MEP1B: variants seen among roughly 807,000 people sequenced by gnomAD.
MEP1B encodes the protein meprin A subunit beta.
MEP1B carries 80 observed loss-of-function variants against 84.6 expected under a neutral mutation model. The observed-to-expected ratio is 0.95, with a 90% CI of 0.79 to 1.14. The LOEUF is 1.14. Ranked by LOEUF, MEP1B falls within the 50% of genes most tolerant of loss-of-function variation. MEP1B has a pLI of 0.00. For missense variants in MEP1B, 766 were observed against 855.1 expected, an observed-to-expected ratio of 0.90 and a Z score of 1.30; for synonymous variants, 273 against 288.1, an observed-to-expected ratio of 0.95 and a Z score of 0.53.
chr18:32,215,818 C>T (rs962833675), intron 12 of MEP1B, among the ~76,000 whole-genome samples: 3 of 151,602 alleles, frequency 2.0e-5, no homozygotes, highest in South Asian at 2.1e-4. Flanking sequence ...AGCGAGACTC[C>T]GTCTCAAAAA....
At chr18:32,201,178 A>G (rs1444321612) in intron 5 of MEP1B, among the ~76,000 whole-genome samples, 3 of 152,158 alleles carry the variant, frequency 2.0e-5, no homozygotes, top group Admixed American at 2.0e-4. Context: ...TCTGTTTAAA[A>G]CAGTGATATG....
chr18:32,215,262 G>T lies in MEP1B; in HGVS notation c.1759+1G>T. The T allele has an allele frequency of 6.5e-7, 1 of 1,546,398 alleles. No individual in the cohort carries two copies. The highest frequency in any genetic ancestry group is 1.4e-5 in the African/African-American group (1 of 71,730). On this transcript the variant is annotated splice_donor_variant, in intron 12 of 14. Coordinates refer to ENST00000269202, the MANE Select transcript of MEP1B (RefSeq NM_005925.3). LOFTEE classifies it high-confidence loss of function. ...GTTTATATCCTACTGACAGTGGAAGGTATGTCAATAAAAATAGTTTTATAT... is the reference window on the plus strand; with the variant it reads ...GTTTATATCCTACTGACAGTGGAAGTTATGTCAATAAAAATAGTTTTATAT...
At chr18:32,190,205 G>GTT in intron 1 of MEP1B, 72 bp downstream of exon 1, 79 of 844,942 alleles carry the variant, frequency 9.3e-5, no homozygotes, top group South Asian at 2.0e-4. Flanking sequence ...AAGAACAAGT[G>GTT]TTTTTTTTTT....
intron 6 of MEP1B, among the ~76,000 whole-genome samples, chr18:32,203,749 T>C (rs2040935679): frequency 6.6e-6 from 1 of 152,118 alleles, no homozygotes; most frequent in South Asian, 2.1e-4. Context: ...TCTGCTCAGC[T>C]TTTGGGGAGG....
intron 9 of MEP1B, 124 bp downstream of exon 9, chr18:32,208,395 C>A: frequency 3.9e-6 from 4 of 1,036,646 alleles, no homozygotes; most frequent in Non-Finnish European, 5.4e-6. Context: ...CATTAGGTTA[C>A]TACTGAGAAG....
At position 32,192,803 on chromosome 18, in the gene MEP1B, A is replaced by G; in HGVS notation, c.157A>G (p.Ile53Val). 3 of 1,612,642 alleles carry G rather than the reference A, an allele frequency of 1.9e-6. No homozygotes were observed. The highest frequency in any genetic ancestry group is 2.5e-6 in the Non-Finnish European group (3 of 1,179,170). Residue 53 changes from isoleucine (I) to valine (V), a missense_variant, in exon 4 of 15, where the codon ATC becomes GTC. Coordinates refer to ENST00000269202, the MANE Select transcript of MEP1B (RefSeq NM_005925.3). ...GLGLDLFEGDIRLDRAQIRNS... is the reference protein window; with the variant it reads ...GLGLDLFEGDVRLDRAQIRNS... Reference sequence around the variant, plus strand: ...GGGACTGGATCTTTTTGAGGGTGACATCAGACTTGATAGGGTGAGTTGAAA... The same window carrying G: ...GGGACTGGATCTTTTTGAGGGTGACGTCAGACTTGATAGGGTGAGTTGAAA...
In MEP1B at chr18:32,203,803, G is replaced by C. The variant is rs564175624; in HGVS notation, c.369-379G>C. Among the ~76,000 whole-genome samples, 11 of 152,244 alleles carry C rather than the reference G, an allele frequency of 7.2e-5. 1 individual carries two copies. In the South Asian group the frequency reaches 2.3e-3, roughly 32 times the overall value. On this transcript the variant is annotated intron_variant, in intron 6 of 14. Coordinates refer to ENST00000269202, the MANE Select transcript of MEP1B (RefSeq NM_005925.3). ...CATAGTGGAAGGTGAGGGTGGAGCAGGCATGTCGCATGGCAAAAGCAGGAG... is the reference window on the plus strand; with the variant it reads ...CATAGTGGAAGGTGAGGGTGGAGCACGCATGTCGCATGGCAAAAGCAGGAG...
Position 32,198,658 on chromosome 18 carries a change from G to C in MEP1B, c.250+3173G>C, listed in dbSNP as rs552174592. Reference sequence around the variant, plus strand: ...GAGTGGGGAGCTAGGAAGTTGAGCAGGTAGGCGGAACGCAAATGGGGAAGG... The same window carrying C: ...GAGTGGGGAGCTAGGAAGTTGAGCACGTAGGCGGAACGCAAATGGGGAAGG... On this transcript the variant is annotated intron_variant, in intron 5 of 14. Transcript: ENST00000269202. Among the ~76,000 whole-genome samples, 27 of 152,272 alleles carry C rather than the reference G, an allele frequency of 1.8e-4. No individual in the cohort carries two copies. The East Asian group carries it at 3.5e-3, about 20-fold the overall frequency.
intron 10 of MEP1B, 118 bp downstream of exon 10, chr18:32,210,834 A>G (rs906583636): frequency 1.3e-6 from 1 of 770,730 alleles, no homozygotes; most frequent in Non-Finnish European, 2.1e-6. Context: ...TACTTCAACT[A>G]AGAACTAGAT....
At chr18:32,202,784 A>G in intron 5 of MEP1B, 109 bp from the exon 6 acceptor site, 1 of 651,152 alleles carries the variant, frequency 1.5e-6, no homozygotes, top group Non-Finnish European at 2.7e-6. Flanking sequence ...AACATTCATG[A>G]AGGGACTAAC....
At chr18:32,202,067 CA>C (rs1167839784) in intron 5 of MEP1B, among the ~76,000 whole-genome samples, 15 of 152,272 alleles carry the variant, frequency 9.9e-5, no homozygotes, top group Admixed American at 9.8e-4. Context: ...ATTGAATTGG[CA>C]AAAGTTTTAT....
At chr18:32,210,078 T>C (rs1187700142) in intron 9 of MEP1B, among the ~76,000 whole-genome samples, 1 of 152,222 alleles carries the variant, frequency 6.6e-6, no homozygotes, top group Non-Finnish European at 1.5e-5. Flanking sequence ...CACTTGGAGC[T>C]GGACCAGGGT....
At chr18:32,205,514 A>G (rs1213935985) in intron 7 of MEP1B, among the ~76,000 whole-genome samples, 2 of 152,228 alleles carry the variant, frequency 1.3e-5, no homozygotes, top group Admixed American at 6.5e-5. Flanking sequence ...AAATGCGGTC[A>G]GGCATAGCAG....
Position 32,217,100 on chromosome 18 carries a change from T to C in MEP1B, c.1869T>C (p.Asp623=), listed in dbSNP as rs1484765291. The change falls in exon 13 of 15, where the codon GAT becomes GAC. Residue 623 remains aspartate, a synonymous_variant. Transcript: ENST00000269202. ...ATGACGGTGTCTGCACTGTTCGAGA[T>C]GGCAAAGCTGAGTGCAGGTAAGGAT... ...CKNDGVCTVR[D]GKAECRCQSG... 4.3e-6 allele frequency: 7 copies of C among 1,613,686 alleles called. No individual in the cohort carries two copies. The highest frequency in any genetic ancestry group is 1.3e-5 in the African/African-American group (1 of 74,924).
intron 1 of MEP1B, 80 bp downstream of exon 1, chr18:32,190,213 T>C (rs1347549645): frequency 9.7e-7 from 1 of 1,032,044 alleles, no homozygotes; most frequent in African/African-American, 1.6e-5. Context: ...GTGTTTTTTT[T>C]TTGTTTGTTT....
At chr18:32,202,295 C>T (rs1237705663) in intron 5 of MEP1B, among the ~76,000 whole-genome samples, 1 of 152,150 alleles carries the variant, frequency 6.6e-6, no homozygotes, top group Non-Finnish European at 1.5e-5. Flanking sequence ...TTGTTTCTTC[C>T]ACACCTCTGC....
chr18:32,190,777 T>A (rs988896366), intron 1 of MEP1B, among the ~76,000 whole-genome samples: 1 of 152,148 alleles, frequency 6.6e-6, no homozygotes, highest in East Asian at 1.9e-4. Context: ...AAATCCTTGA[T>A]AATTTTATTC....
chr18:32,205,857 A>G (rs2144405265), intron 7 of MEP1B, among the ~76,000 whole-genome samples: 1 of 152,348 alleles, frequency 6.6e-6, no homozygotes, highest in African/African-American at 2.4e-5. Flanking sequence ...ACAACGTGGA[A>G]TGACTAAAAC....
chr18:32,220,132 G>C, intron 14 of MEP1B, 99 bp from the exon 15 acceptor site: 1 of 1,139,194 alleles, frequency 8.8e-7, no homozygotes, highest in Non-Finnish European at 1.3e-6. Context: ...ACTGCTGATG[G>C]GGACTTCATT....
Sources: gnomAD v4.1 joint callset for allele counts (sites outside exome capture counted in the v4.1 genomes callset) on GRCh38, gnomAD v4.1.1 for gene constraint, MANE v1.5 for transcripts, NCBI Gene and HGNC (gene_info 2026-07-23, HGNC 2026-07-21) for gene names.